Variants in CACNB2 observed in about 807,000 individuals in gnomAD.
CACNB2 encodes voltage-dependent L-type calcium channel subunit beta-2.
A neutral mutation model predicts 73.3 loss-of-function variants in CACNB2; 42 were observed. That is an observed-to-expected ratio of 0.57 (90% confidence interval 0.45 to 0.74). CACNB2 has a LOEUF of 0.74. Among genes scored for constraint, CACNB2 ranks in the 30% least tolerant of loss-of-function variants. The probability of loss-of-function intolerance (pLI) is 0.00; values close to 1 mark genes in which losing one functional copy is unlikely to be tolerated. For missense variants in CACNB2, 940 were observed against 853.0 expected (o/e 1.10, Z -1.27); for synonymous variants, 348 against 310.3 (o/e 1.12, Z -1.28).
intron 4 of CACNB2, 70 bp from the exon 5 acceptor site, chr10:18,500,742 A>G: frequency 6.7e-7 from 1 of 1,484,428 alleles, no homozygotes; most frequent in Non-Finnish European, 9.4e-7. Context: ...TCTCGACTGA[A>G]AATAGTGTGG....
chr10:18,506,177 A>G lies in CACNB2; in HGVS notation c.594-294A>G, dbSNP rs138376042. ...ATAAAAAGCAAAATAAATCTGTGCT[A>G]TTTCACTGTCTGTGATCTGGGCAAG... On this transcript the variant is annotated intron_variant, in intron 5 of 13. Coordinates refer to ENST00000324631, the MANE Select transcript of CACNB2 (RefSeq NM_201596.3). 3.8e-3 allele frequency among the ~76,000 whole-genome samples: 573 copies of G among 152,318 alleles called. 2 individuals carry two copies. Among genetic ancestry groups the G allele is most frequent in the African/African-American group, 0.013 (543 of 41,574 alleles).
At chr10:18,534,033 T>TTAAAAATACTGCACTTTAAC in intron 10 of CACNB2, 43 bp from the exon 11 acceptor site, 1 of 1,608,342 alleles carries the variant, frequency 6.2e-7, no homozygotes, top group Non-Finnish European at 8.5e-7. Context: ...TTACTTTATC[T>TTAAAAATACTGCACTTTAAC]TAAAAATACT....
At chr10:18,407,287 A>G (rs2044351714) in intron 3 of CACNB2, among the ~76,000 whole-genome samples, 1 of 150,790 alleles carries the variant, frequency 6.6e-6, no homozygotes, top group East Asian at 1.9e-4. Flanking sequence ...ACACCCAGAT[A>G]ATTTTTGTAT....
intron 2 of CACNB2, among the ~76,000 whole-genome samples, chr10:18,203,342 C>T (rs904278956): frequency 2.6e-5 from 4 of 152,128 alleles, no homozygotes; most frequent in African/African-American, 7.2e-5. Flanking sequence ...AAAGTGACCC[C>T]TCTATCTGAA....
intron 2 of CACNB2, among the ~76,000 whole-genome samples, chr10:18,362,609 T>TA (rs2042186309): frequency 6.6e-6 from 1 of 152,202 alleles, no homozygotes; most frequent in Non-Finnish European, 1.5e-5. Flanking sequence ...TTTAAGTCCA[T>TA]AACGTGTTAA....
rs1373249035 is a variant in CACNB2 at position 18,542,901 on chromosome 10, G to C, written c.*3177G>C. The C allele has an allele frequency of 1.5e-5, 1 of 64,664 alleles. No individual in the cohort carries two copies. Among genetic ancestry groups the C allele is most frequent in the African/African-American group, 5.7e-5 (1 of 17,430 alleles). The allele number at this position is 64,664 out of a possible 1,614,324, so 4.0% of individuals were successfully genotyped here. A position where few individuals can be genotyped will look rare whatever the true frequency, so the allele number is the denominator to read the frequency against. On this transcript the variant is annotated 3_prime_UTR_variant, in exon 14 of 14. Coordinates refer to ENST00000324631, the MANE Select transcript of CACNB2 (RefSeq NM_201596.3). ...AATAGTTTTTTTTTTTTTTTTTTTT[G>C]GTCATATCCATTTCAGTCTTTCCTA...
At chr10:18,266,122 A>G (rs914582155) in intron 2 of CACNB2, among the ~76,000 whole-genome samples, 2 of 152,236 alleles carry the variant, frequency 1.3e-5, no homozygotes, top group Non-Finnish European at 2.9e-5. Flanking sequence ...GCACATTTAC[A>G]TAGTTCTTCA....
At chr10:18,180,068 C>G (rs918494301) in intron 2 of CACNB2, among the ~76,000 whole-genome samples, 2 of 152,178 alleles carry the variant, frequency 1.3e-5, no homozygotes, top group Non-Finnish European at 2.9e-5. Context: ...TTCTTGGCTT[C>G]TGATTTAGCG....
At chr10:18,276,851 T>C (rs1564397598) in intron 2 of CACNB2, among the ~76,000 whole-genome samples, 1 of 152,158 alleles carries the variant, frequency 6.6e-6, no homozygotes, top group South Asian at 2.1e-4. Context: ...AGCGCTAGGA[T>C]TAAAGGCGTG....
At chr10:18,256,233 A>C (rs1201814638) in intron 2 of CACNB2, among the ~76,000 whole-genome samples, 4 of 152,198 alleles carry the variant, frequency 2.6e-5, no homozygotes, top group Admixed American at 6.5e-5. Flanking sequence ...TAATTTAGCT[A>C]CATGAGCCAA....
intron 2 of CACNB2, among the ~76,000 whole-genome samples, chr10:18,327,869 G>A (rs1253462197): frequency 6.6e-6 from 1 of 152,178 alleles, no homozygotes; most frequent in Non-Finnish European, 1.5e-5. Flanking sequence ...TGAGGGTTGG[G>A]GGGTGTCCTG....
At chr10:18,177,772 G>A (rs1308799611) in intron 2 of CACNB2, among the ~76,000 whole-genome samples, 1 of 152,092 alleles carries the variant, frequency 6.6e-6, no homozygotes, top group African/African-American at 2.4e-5. Context: ...CTCTTGCTTG[G>A]TTAATCTACA....
chr10:18,407,358 G>C (rs1159043765), intron 3 of CACNB2, among the ~76,000 whole-genome samples: 1 of 151,896 alleles, frequency 6.6e-6, no homozygotes, highest in Non-Finnish European at 1.5e-5. Flanking sequence ...CTGTCCTCAA[G>C]TGATCCATCT....
intron 2 of CACNB2, chr10:18,257,340 T>A (rs961533938): frequency 1.3e-5 from 2 of 152,214 alleles, no homozygotes; most frequent in African/African-American, 4.8e-5. Flanking sequence ...AAGTAAAGAA[T>A]GGATCAGGAG....
At chr10:18,415,398 A>G (rs2044887848) in intron 3 of CACNB2, among the ~76,000 whole-genome samples, 1 of 151,946 alleles carries the variant, frequency 6.6e-6, no homozygotes, top group Non-Finnish European at 1.5e-5. Flanking sequence ...CCTAGGAGTT[A>G]GAAGCCACAA....
intron 2 of CACNB2, among the ~76,000 whole-genome samples, chr10:18,182,821 C>G (rs1328933942): frequency 8.5e-6 from 1 of 117,622 alleles, no homozygotes; most frequent in Non-Finnish European, 1.8e-5. Context: ...GACTCTGTCT[C>G]AAAAAAAAAA....
intron 3 of CACNB2, among the ~76,000 whole-genome samples, chr10:18,431,138 C>T (rs1589332125): frequency 6.6e-6 from 1 of 152,048 alleles, no homozygotes; most frequent in African/African-American, 2.4e-5. Flanking sequence ...TGTACTACTA[C>T]ATCTGGCTAA....
intron 5 of CACNB2, among the ~76,000 whole-genome samples, chr10:18,505,745 T>C (rs2050454629): frequency 6.6e-6 from 1 of 152,240 alleles, no homozygotes; most frequent in South Asian, 2.1e-4. Flanking sequence ...ACAAATGCTG[T>C]TGTTCTAATA....
intron 2 of CACNB2, among the ~76,000 whole-genome samples, chr10:18,157,171 T>A (rs897883783): frequency 6.6e-6 from 1 of 152,260 alleles, no homozygotes; most frequent in Non-Finnish European, 1.5e-5. Context: ...ATCACTTATA[T>A]ACTGAACGTA....
Sources: allele counts gnomAD v4.1 joint callset (sites outside exome capture counted in the v4.1 genomes callset), GRCh38; gene constraint gnomAD v4.1.1; transcripts MANE v1.5; gene names NCBI Gene and HGNC (gene_info 2026-07-23, HGNC 2026-07-21).